SLC26A5: variants seen among roughly 807,000 people sequenced by gnomAD.
SLC26A5 encodes the protein prestin.
SLC26A5 carries 51 observed loss-of-function variants against 81.0 expected under a neutral mutation model. The ratio of observed to expected loss-of-function variants is 0.63; its 90% CI spans 0.50 to 0.80. SLC26A5 has a LOEUF of 0.80. SLC26A5 is among the 30% of genes least tolerant of loss of function. The pLI is 0.00. For missense variants in SLC26A5, 771 were observed against 905.8 expected, an observed-to-expected ratio of 0.85 and a Z score of 1.91; for synonymous variants, 325 against 332.8, an observed-to-expected ratio of 0.98 and a Z score of 0.25.
At chr7:103,430,322 G>A (rs1480809153) in intron 2 of SLC26A5, among the ~76,000 whole-genome samples, 5 of 152,084 alleles carry the variant, frequency 3.3e-5, no homozygotes, top group African/African-American at 1.2e-4. Context: ...CAGGTGAGCC[G>A]CCCGCCTCGG....
At chr7:103,421,710 T>C in intron 2 of SLC26A5, 143 bp from the exon 3 acceptor site, 1 of 607,088 alleles carries the variant, frequency 1.6e-6, no homozygotes, top group South Asian at 2.0e-5. Flanking sequence ...GATCTGTATA[T>C]AGGAGGCAGT....
chr7:103,416,508 C>T (rs1181066681), intron 4 of SLC26A5, among the ~76,000 whole-genome samples: 2 of 152,226 alleles, frequency 1.3e-5, no homozygotes, highest in Non-Finnish European at 2.9e-5. Context: ...CCATCCACTG[C>T]ATCGTGTAAA....
At chr7:103,385,808 C>T (rs1822148255) in intron 14 of SLC26A5, among the ~76,000 whole-genome samples, 2 of 151,388 alleles carry the variant, frequency 1.3e-5, no homozygotes, top group Admixed American at 1.3e-4. Flanking sequence ...TCAAGTGATC[C>T]TCCCACCTCA....
chr7:103,357,400 T>C (rs1222231705), intron 19 of SLC26A5, among the ~76,000 whole-genome samples: 3 of 152,106 alleles, frequency 2.0e-5, no homozygotes, highest in African/African-American at 7.2e-5. Flanking sequence ...TCTTCCCTAA[T>C]GACACTCATT....
At position 103,391,633 on chromosome 7, in the gene SLC26A5, C is replaced by A; in HGVS notation, c.1222G>T (p.Gly408Trp). ...TGTTATGTACATACCTGTGTCTTCC[C>A]ACCGGTTCCCTCCTGAACAAGGCTT... ...SRSLVQEGTGGKTQLAGCLAS... is the reference protein window; with the variant it reads ...SRSLVQEGTGWKTQLAGCLAS... The change falls in exon 11 of 20, where the codon GGG (glycine) becomes TGG (tryptophan). Residue 408 changes from glycine (G) to tryptophan (W), a missense_variant. Transcript: ENST00000306312. The A allele has an allele frequency of 6.2e-7, 1 of 1,614,010 alleles. No homozygotes were observed. Among genetic ancestry groups the A allele is most frequent in the Non-Finnish European group, 8.5e-7 (1 of 1,179,920 alleles).
At chr7:103,439,472 C>T (rs543160452) in intron 2 of SLC26A5, among the ~76,000 whole-genome samples, 228 of 152,294 alleles carry the variant, frequency 1.5e-3, no homozygotes, top group African/African-American at 5.1e-3. Flanking sequence ...ATTTTCTTTA[C>T]CTTCCCACCT....
rs1416813151 is a variant in SLC26A5, at chr7:103,438,416, G to A, written c.-54+4667C>T. 5.5e-5 allele frequency among the ~76,000 whole-genome samples: 8 copies of A among 145,444 alleles called. No homozygotes were observed. In the South Asian group the frequency reaches 8.6e-4, roughly 16 times the overall value. On this transcript the variant is annotated intron_variant, in intron 2 of 19. Transcript: ENST00000306312. ...TTTTTTTTTTTTGAGATGGAGTCTC[G>A]CTCTCGACTCACTGCAACCTCTGCC...
At chr7:103,416,774 T>C (rs1824944012) in intron 4 of SLC26A5, among the ~76,000 whole-genome samples, 1 of 152,140 alleles carries the variant, frequency 6.6e-6, no homozygotes. Flanking sequence ...CTTGCTAGTT[T>C]ATACCATTTC....
chr7:103,375,330 A>G (rs1821279572), intron 19 of SLC26A5, among the ~76,000 whole-genome samples: 1 of 152,050 alleles, frequency 6.6e-6, no homozygotes, highest in Non-Finnish European at 1.5e-5. Context: ...TCAACGACAT[A>G]CAAGTGTCAT....
chr7:103,357,394 C>T (rs1173885202), intron 19 of SLC26A5, among the ~76,000 whole-genome samples: 1 of 151,406 alleles, frequency 6.6e-6, no homozygotes, highest in Non-Finnish European at 1.5e-5. Context: ...AATTTCTCTT[C>T]CCTAATGACA....
chr7:103,440,189 A>G (rs1246424167), intron 2 of SLC26A5, among the ~76,000 whole-genome samples: 1 of 152,220 alleles, frequency 6.6e-6, no homozygotes, highest in African/African-American at 2.4e-5. Context: ...TTGGATAATG[A>G]GTGACTCTAG....
intron 19 of SLC26A5, chr7:103,363,240 C>T (rs938762858): frequency 4.7e-6 from 4 of 856,170 alleles, no homozygotes; most frequent in Admixed American, 5.2e-5. Context: ...TTAAAATTCT[C>T]ACTTGTGAGT....
rs7786798 is a variant in SLC26A5 at position 103,431,990 on chromosome 7, A to T, written c.-53-10423T>A. Among the ~76,000 whole-genome samples, 1,092 of 152,290 alleles carry T rather than the reference A, an allele frequency of 7.2e-3. 10 individuals are homozygous for T. The highest frequency in any genetic ancestry group is 0.025 in the African/African-American group (1,050 of 41,568). On this transcript the variant is annotated intron_variant, in intron 2 of 19. Coordinates refer to ENST00000306312, the MANE Select transcript of SLC26A5 (RefSeq NM_198999.3). ...GAGTGCAGTGGCATGAGCTCGGTTCACTGCAACTTCCACTTCCTGGGTTCA... is the reference window on the plus strand; with the variant it reads ...GAGTGCAGTGGCATGAGCTCGGTTCTCTGCAACTTCCACTTCCTGGGTTCA...
At position 103,374,323 on chromosome 7, in the gene SLC26A5, G is replaced by A. The variant is rs549565408; in HGVS notation, c.*76C>T. ...ATTCACCCTTAGAAAAAAAAATCTA[G>A]CGTCTAGTATTTAAAACGTGTAAAT... On this transcript the variant is annotated 3_prime_UTR_variant, in exon 20 of 20. Transcript: ENST00000306312. The A allele has an allele frequency of 6.3e-7, 1 of 1,577,662 alleles. No individual in the cohort carries two copies. The highest frequency in any genetic ancestry group is 1.2e-5 in the South Asian group (1 of 86,194).
intron 19 of SLC26A5, chr7:103,354,858 C>T: frequency 6.3e-7 from 1 of 1,586,044 alleles, no homozygotes; most frequent in Non-Finnish European, 8.6e-7. Flanking sequence ...AACTGACCTT[C>T]ATCACCTAGG....
In SLC26A5 at chr7:103,416,498, C is replaced by T. The variant is rs958484420; in HGVS notation, c.293-3386G>A. Among the ~76,000 whole-genome samples, 5 of 152,198 alleles carry T rather than the reference C, an allele frequency of 3.3e-5. 1 individual carries two copies. The highest frequency in any genetic ancestry group is 2.0e-4 in the Admixed American group (3 of 15,270). ...GACATCTCTTGGTATTTTTATCCTA[C>T]CATCCACTGCATCGTGTAAATGTGG... On this transcript the variant is annotated intron_variant, in intron 4 of 19. Coordinates refer to ENST00000306312, the MANE Select transcript of SLC26A5 (RefSeq NM_198999.3).
intron 19 of SLC26A5, among the ~76,000 whole-genome samples, chr7:103,353,335 C>T (rs1819833035): frequency 6.6e-6 from 1 of 151,876 alleles, no homozygotes. Context: ...GAGATGGAGT[C>T]TCTCTCGGTC....
intron 15 of SLC26A5, among the ~76,000 whole-genome samples, chr7:103,379,776 TAAATGGACAC>T (rs1821638591): frequency 6.6e-6 from 1 of 152,104 alleles, no homozygotes; most frequent in South Asian, 2.1e-4. Flanking sequence ...GGAAGGAGCT[TAAATGGACAC>T]AAGTGAAACT....
chr7:103,362,788 CTA>C, intron 19 of SLC26A5: 1 of 1,199,684 alleles, frequency 8.3e-7, no homozygotes, highest in Non-Finnish European at 1.2e-6. Flanking sequence ...AAAAGGAAGG[CTA>C]TGTCTTTTTT....
Sources: gnomAD v4.1 joint callset for allele counts (sites outside exome capture counted in the v4.1 genomes callset) on GRCh38, gnomAD v4.1.1 for gene constraint, MANE v1.5 for transcripts, NCBI Gene and HGNC (gene_info 2026-07-23, HGNC 2026-07-21) for gene names.